TLK1: variants seen among roughly 807,000 people sequenced by gnomAD.
TLK1 encodes tousled like kinase 1, also known as serine/threonine-protein kinase tousled-like 1.
In TLK1, 24 loss-of-function variants were observed where a neutral mutation model predicts 105.3. That is an observed-to-expected ratio of 0.23 (90% CI 0.17 to 0.32). The LOEUF (loss-of-function observed/expected upper bound fraction) is 0.32, where lower values mean the gene tolerates loss of function less well. Ranked by LOEUF, TLK1 falls within the 10% of genes least tolerant of loss-of-function variation. The probability of loss-of-function intolerance (pLI) is 1.00; values close to 1 mark genes in which losing one functional copy is unlikely to be tolerated. For synonymous variants in TLK1, 321 were observed against 310.4 expected, an observed-to-expected ratio of 1.03 and a Z score of -0.36; for missense variants, 558 against 910.5, an observed-to-expected ratio of 0.61 and a Z score of 4.98.
intron 1 of TLK1, among the ~76,000 whole-genome samples, chr2:171,123,041 AAAATAAAT>A (rs58748428): frequency 2.2e-5 from 3 of 134,680 alleles, no homozygotes; most frequent in East Asian, 2.1e-4. Context: ...CCTATATGAA[AAAATAAAT>A]AAATAAATAC....
intron 11 of TLK1, among the ~76,000 whole-genome samples, chr2:171,028,838 G>A (rs529582712): frequency 6.6e-6 from 1 of 152,128 alleles, no homozygotes; most frequent in Non-Finnish European, 1.5e-5. Flanking sequence ...AAAAAACCAC[G>A]TGATGAAATA....
intron 1 of TLK1, among the ~76,000 whole-genome samples, chr2:171,205,179 C>T (rs1693480401): frequency 1.3e-5 from 2 of 152,052 alleles, no homozygotes; most frequent in African/African-American, 2.4e-5. Context: ...TATGACTGCA[C>T]ACCAGCCTGG....
chr2:171,001,906 T>G (rs546495363), intron 18 of TLK1, among the ~76,000 whole-genome samples: 6 of 151,906 alleles, frequency 3.9e-5, no homozygotes, highest in South Asian at 2.1e-4. Context: ...TCAGCCTCCA[T>G]AGTAGCTGAG....
chr2:171,146,315 C>T (rs545004629), intron 1 of TLK1, among the ~76,000 whole-genome samples: 1 of 83,110 alleles, frequency 1.2e-5, no homozygotes, highest in East Asian at 2.1e-4. Context: ...CAGAGTGAGA[C>T]TCTGTAAGAA....
chr2:171,212,021 A>C (rs1693626627), intron 1 of TLK1, among the ~76,000 whole-genome samples: 1 of 144,796 alleles, frequency 6.9e-6, no homozygotes, highest in African/African-American at 2.6e-5. Context: ...AATTTTTTGT[A>C]CTTTGGTAGA....
At chr2:171,102,781 T>C (rs755240134) in intron 2 of TLK1, among the ~76,000 whole-genome samples, 2 of 152,174 alleles carry the variant, frequency 1.3e-5, no homozygotes, top group African/African-American at 2.4e-5. Flanking sequence ...CATTCAAAAG[T>C]ATTCATTGAG....
rs1246503989 is a variant in TLK1, at chr2:171,019,351, T to TA, written c.1237-4404dup. Among the ~76,000 whole-genome samples the TA allele has an allele frequency of 2.0e-5, 3 of 152,168 alleles. No individual in the cohort carries two copies. The East Asian group carries it at 5.8e-4, about 29-fold the overall frequency. ...GTTCCCATGTGAAGGAGATGTTTTT[T>TA]AAAAAGAAAAGAAAATGGTAGGTGA... On this transcript the variant is annotated intron_variant, in intron 12 of 20. Coordinates refer to ENST00000431350, the MANE Select transcript of TLK1 (RefSeq NM_012290.5).
intron 1 of TLK1, among the ~76,000 whole-genome samples, chr2:171,186,830 C>T (rs549004103): frequency 2.0e-5 from 3 of 152,002 alleles, no homozygotes; most frequent in South Asian, 2.1e-4. Flanking sequence ...GAGGCCGAGA[C>T]GGGTGGATCA....
intron 1 of TLK1, among the ~76,000 whole-genome samples, chr2:171,199,902 G>GT (rs1276768373): frequency 6.6e-6 from 1 of 152,140 alleles, no homozygotes; most frequent in East Asian, 1.9e-4. Flanking sequence ...CAAGTGTAAG[G>GT]TAAAAAAAGA....
In TLK1 at chr2:171,006,062, T is replaced by C. The variant is rs555744449; in HGVS notation, c.1904+85A>G. 9.1e-6 allele frequency: 12 copies of C among 1,323,088 alleles called. No homozygotes were observed. In the South Asian group the frequency reaches 1.5e-4, roughly 16 times the overall value. 82.0% of individuals were successfully genotyped at this position (1,323,088 alleles called of 1,614,324 possible). ...TACCACAGTAATCTTAATGGCTACATGGAAATAAAAAAAAAAACACTAAAT... is the reference window on the plus strand; with the variant it reads ...TACCACAGTAATCTTAATGGCTACACGGAAATAAAAAAAAAAACACTAAAT... On this transcript the variant is annotated intron_variant, in intron 18 of 20. Transcript: ENST00000431350.
rs529206366 is a variant in TLK1 at position 170,992,537 on chromosome 2, A to G, written c.*1243T>C. Reference sequence around the variant, plus strand: ...CTTATGGGACCATCTTGCTGATAAGAACTTTCTAGAAATGTAGAATAACCA... The same window carrying G: ...CTTATGGGACCATCTTGCTGATAAGGACTTTCTAGAAATGTAGAATAACCA... On this transcript the variant is annotated 3_prime_UTR_variant, in exon 21 of 21. Transcript: ENST00000431350. The G allele has an allele frequency of 6.5e-6, 1 of 152,714 alleles. No homozygotes were observed. The highest frequency in any genetic ancestry group is 2.1e-4 in the South Asian group (1 of 4,834). 9.5% of individuals were successfully genotyped at this position (152,714 alleles called of 1,614,324 possible).
chr2:171,125,776 A>AT (rs1370014242), intron 1 of TLK1, among the ~76,000 whole-genome samples: 19 of 152,314 alleles, frequency 1.2e-4, no homozygotes, highest in African/African-American at 4.3e-4. Context: ...GGTTACATGA[A>AT]TAAGTTCTTT....
At chr2:171,074,736 A>G (rs548507827) in intron 3 of TLK1, among the ~76,000 whole-genome samples, 15 of 152,290 alleles carry the variant, frequency 9.8e-5, no homozygotes, top group Non-Finnish European at 2.1e-4. Flanking sequence ...GAAGATAAAT[A>G]AAAGACAGAG....
chr2:171,024,152 T>A (rs997094498), intron 12 of TLK1, among the ~76,000 whole-genome samples: 1 of 152,168 alleles, frequency 6.6e-6, no homozygotes, highest in African/African-American at 2.4e-5. Flanking sequence ...AAGTTACTTG[T>A]TCCTTTTGAA....
At chr2:171,091,419 C>G (rs1199756893) in intron 2 of TLK1, among the ~76,000 whole-genome samples, 1 of 152,156 alleles carries the variant, frequency 6.6e-6, no homozygotes, top group Non-Finnish European at 1.5e-5. Flanking sequence ...AAAGTCAAGT[C>G]TTATGATTCA....
chr2:171,200,508 T>G (rs1693378894), intron 1 of TLK1, among the ~76,000 whole-genome samples: 1 of 152,192 alleles, frequency 6.6e-6, no homozygotes, highest in South Asian at 2.1e-4. Context: ...GGCCTAAGCT[T>G]AGGAATTTAA....
rs190636979 is a variant in TLK1 at position 171,192,974 on chromosome 2, C to A, written c.-6+38171G>T. Among the ~76,000 whole-genome samples, 334 of 152,336 alleles carry A rather than the reference C, an allele frequency of 2.2e-3. 4 individuals are homozygous for A. Among genetic ancestry groups the A allele is most frequent in the African/African-American group, 6.8e-3 (282 of 41,576 alleles). ...TGCCTAATAGATCAATATACTTTAACATATGTACATTTTAGTTTTTAGTTA... is the reference window on the plus strand; with the variant it reads ...TGCCTAATAGATCAATATACTTTAAAATATGTACATTTTAGTTTTTAGTTA... On this transcript the variant is annotated intron_variant, in intron 1 of 20. Transcript: ENST00000521943.
At chr2:171,096,513 T>C (rs1186684636) in intron 2 of TLK1, among the ~76,000 whole-genome samples, 2 of 152,080 alleles carry the variant, frequency 1.3e-5, no homozygotes, top group Non-Finnish European at 2.9e-5. Context: ...TCCCAGCACA[T>C]TGGGAGGCCA....
chr2:171,193,944 T>C (rs1028966511), intron 1 of TLK1, among the ~76,000 whole-genome samples: 13 of 151,618 alleles, frequency 8.6e-5, no homozygotes, highest in Admixed American at 7.2e-4. Context: ...GATCTCAAAC[T>C]CCTGACCTCA....
Sources: allele counts gnomAD v4.1 joint callset (sites outside exome capture counted in the v4.1 genomes callset), GRCh38; gene constraint gnomAD v4.1.1; transcripts MANE v1.5; gene names NCBI Gene and HGNC (gene_info 2026-07-23, HGNC 2026-07-21).